Variants in MAML3 observed in about 807,000 individuals in gnomAD.
MAML3 encodes the protein mastermind-like protein 3.
A neutral mutation model predicts 101.9 loss-of-function variants in MAML3; 27 were observed. The observed-to-expected ratio is 0.27, with a 90% CI of 0.20 to 0.37. The LOEUF (loss-of-function observed/expected upper bound fraction) is 0.37. Ranked by LOEUF, MAML3 falls within the 10% of genes least tolerant of loss-of-function variation. The pLI is 1.00. For synonymous variants in MAML3, 501 were observed against 555.9 expected, an observed-to-expected ratio of 0.90 and a Z score of 1.39; for missense variants, 1,316 against 1,444.9, an observed-to-expected ratio of 0.91 and a Z score of 1.45.
At chr4:139,963,579 A>G (rs1734065227) in intron 1 of MAML3, among the ~76,000 whole-genome samples, 1 of 152,186 alleles carries the variant, frequency 6.6e-6, no homozygotes, top group African/African-American at 2.4e-5. Flanking sequence ...ACCTTGTGTC[A>G]AATTTTCAAA....
At chr4:140,044,643 G>A (rs553544675) in intron 1 of MAML3, among the ~76,000 whole-genome samples, 2 of 152,364 alleles carry the variant, frequency 1.3e-5, no homozygotes, top group Admixed American at 6.5e-5. Context: ...TGCAGCAGCT[G>A]TGAAATGTCA....
chr4:140,060,756 C>T (rs1371149210), intron 1 of MAML3, among the ~76,000 whole-genome samples: 1 of 152,128 alleles, frequency 6.6e-6, no homozygotes, highest in Non-Finnish European at 1.5e-5. Flanking sequence ...TTCTAGAATT[C>T]ATTTAAATAC....
intron 1 of MAML3, among the ~76,000 whole-genome samples, chr4:139,961,486 C>T (rs1253697713): frequency 6.6e-6 from 1 of 152,180 alleles, no homozygotes; most frequent in Non-Finnish European, 1.5e-5. Context: ...TTCCATCATC[C>T]TGGCAAGGTC....
At chr4:139,897,057 G>A (rs1172723862) in intron 1 of MAML3, among the ~76,000 whole-genome samples, 1 of 152,188 alleles carries the variant, frequency 6.6e-6, no homozygotes, top group Non-Finnish European at 1.5e-5. Flanking sequence ...GTGCTGGCAA[G>A]TCAGATAAAC....
intron 2 of MAML3, among the ~76,000 whole-genome samples, chr4:139,869,899 C>A (rs1273881644): frequency 6.6e-6 from 1 of 152,166 alleles, no homozygotes; most frequent in Non-Finnish European, 1.5e-5. Flanking sequence ...CCATTTCATT[C>A]GGTGAGTGTC....
chr4:139,801,604 G>C (rs1159501083), intron 2 of MAML3, among the ~76,000 whole-genome samples: 1 of 151,358 alleles, frequency 6.6e-6, no homozygotes, highest in Non-Finnish European at 1.5e-5. Flanking sequence ...GCATCCAAGG[G>C]AGACCTAATT....
chr4:139,791,502 CAAAAAAA>C (rs534133306), intron 2 of MAML3, among the ~76,000 whole-genome samples: 5 of 95,102 alleles, frequency 5.3e-5, no homozygotes, highest in Middle Eastern at 0.012. Context: ...GACTCCATCT[CAAAAAAA>C]AAAAAAAAAA....
intron 2 of MAML3, among the ~76,000 whole-genome samples, chr4:139,847,571 A>C (rs532257062): frequency 6.6e-6 from 1 of 152,338 alleles, no homozygotes; most frequent in Admixed American, 6.5e-5. Flanking sequence ...GAACTGATTA[A>C]GAAACAAAGT....
chr4:139,953,930 T>C (rs1192572646), intron 1 of MAML3, among the ~76,000 whole-genome samples: 1 of 152,186 alleles, frequency 6.6e-6, no homozygotes, highest in Non-Finnish European at 1.5e-5. Flanking sequence ...TTCTATTAGA[T>C]CAATTTATTC....
intron 2 of MAML3, among the ~76,000 whole-genome samples, chr4:139,812,234 A>G (rs566071998): frequency 1.3e-5 from 2 of 152,316 alleles, no homozygotes; most frequent in African/African-American, 4.8e-5. Context: ...CCACCAGAGC[A>G]AGACTCTGTC....
chr4:139,889,865 G>A lies in MAML3; in HGVS notation c.1571C>T (p.Pro524Leu), dbSNP rs761465016. 2.4e-5 allele frequency: 38 copies of A among 1,613,226 alleles called. No homozygotes were observed. Among genetic ancestry groups the A allele is most frequent in the Non-Finnish European group, 3.1e-5 (36 of 1,179,814 alleles). Reference protein sequence around the residue: ...QTSNWSPLGPPSSPYGAAFTA... With the variant: ...QTSNWSPLGPLSSPYGAAFTA... ...AAAAGCTGCTCCATATGGACTAGAG[G>A]GAGGTCCTAAGGGAGACCAATTTGA... The change falls in exon 2 of 5, where the codon CCC becomes CTC. Residue 524 changes from proline to leucine, a missense_variant. Transcript: ENST00000509479.
At chr4:139,976,231 C>T (rs773427752) in intron 1 of MAML3, among the ~76,000 whole-genome samples, 58 of 152,154 alleles carry the variant, frequency 3.8e-4, no homozygotes, top group Non-Finnish European at 6.3e-4. Context: ...AAAGACAGAT[C>T]CTGTTCTTCT....
At chr4:140,069,435 GAGGA>G in intron 1 of MAML3, among the ~76,000 whole-genome samples, 6 of 119,292 alleles carry the variant, frequency 5.0e-5, no homozygotes, top group African/African-American at 1.3e-4. Flanking sequence ...GGAGGAGAAG[GAGGA>G]GAAGGAGGAG....
chr4:139,760,258 C>T (rs1031920174), intron 2 of MAML3, among the ~76,000 whole-genome samples: 4 of 152,140 alleles, frequency 2.6e-5, no homozygotes, highest in African/African-American at 9.7e-5. Context: ...GTGGAGTTTC[C>T]AAGATGCTGA....
In MAML3 at chr4:140,060,365, C is replaced by CAAAAAAAAAAAAAAAAAAAAAAAAAA. The variant is rs70943471; in HGVS notation, c.468+92494_468+92495insTTTTTTTTTTTTTTTTTTTTTTTTTT. ...TGGGCGACAGAGTAAGACTCTGTCT[C>CAAAAAAAAAAAAAAAAAAAAAAAAAA]AAAAAAAAAAAAAAAAAAAAGTCAC... On this transcript the variant is annotated intron_variant, in intron 1 of 4. Coordinates refer to ENST00000509479, the MANE Select transcript of MAML3 (RefSeq NM_018717.5). Among the ~76,000 whole-genome samples the CAAAAAAAAAAAAAAAAAAAAAAAAAA allele has an allele frequency of 6.8e-4, 13 of 19,124 alleles. 4 individuals carry two copies. Among genetic ancestry groups the CAAAAAAAAAAAAAAAAAAAAAAAAAA allele is most frequent in the South Asian group, 0.012 (2 of 166 alleles). The allele number at this position is 19,124 out of a possible 152,430, so 12.5% of individuals were successfully genotyped here.
chr4:139,744,813 G>A (rs758760131), intron 2 of MAML3, among the ~76,000 whole-genome samples: 21 of 152,212 alleles, frequency 1.4e-4, no homozygotes, highest in African/African-American at 3.6e-4. Context: ...GCTGTGTGGC[G>A]TGTGTTCTGT....
chr4:140,012,849 C>T (rs1353313945), intron 1 of MAML3, among the ~76,000 whole-genome samples: 1 of 152,142 alleles, frequency 6.6e-6, no homozygotes, highest in Non-Finnish European at 1.5e-5. Flanking sequence ...AAATACAGCG[C>T]CGGTTAACTC....
intron 2 of MAML3, among the ~76,000 whole-genome samples, chr4:139,832,261 C>A (rs953469689): frequency 6.6e-6 from 1 of 151,030 alleles, no homozygotes; most frequent in African/African-American, 2.5e-5. Flanking sequence ...TGTGCCACTA[C>A]GCCCAGCTAT....
chr4:140,123,092 G>GT (rs58567442), intron 1 of MAML3, among the ~76,000 whole-genome samples: 63,218 of 138,028 alleles, frequency 0.46, 14,606 homozygotes, highest in East Asian at 0.64. Flanking sequence ...AAGCTCTGCG[G>GT]TTTTTTTTTT....
Sources: gnomAD v4.1 joint callset for allele counts (sites outside exome capture counted in the v4.1 genomes callset) on GRCh38, gnomAD v4.1.1 for gene constraint, MANE v1.5 for transcripts, NCBI Gene and HGNC (gene_info 2026-07-23, HGNC 2026-07-21) for gene names.